The following OPRM1 variants were observed in gnomAD, a reference collection of about 807,000 sequenced individuals.
OPRM1 encodes the protein opioid receptor mu 1.
OPRM1 carries 27 observed loss-of-function variants against 31.8 expected under a neutral mutation model. The ratio of observed to expected loss-of-function variants is 0.85; its 90% CI spans 0.63 to 1.17. The LOEUF (loss-of-function observed/expected upper bound fraction) is 1.17. Ranked by LOEUF, OPRM1 falls within the 50% of genes most tolerant of loss-of-function variation. OPRM1 has a pLI of 0.00. For missense variants in OPRM1, 536 were observed against 511.1 expected (o/e 1.05, Z -0.47); for synonymous variants, 196 against 189.9 (o/e 1.03, Z -0.26).
chr6:154,214,498 T>G (rs1778227683), intron 3 of OPRM1, among the ~76,000 whole-genome samples: 1 of 152,222 alleles, frequency 6.6e-6, no homozygotes, highest in Non-Finnish European at 1.5e-5. Flanking sequence ...GGTGGCCCAT[T>G]ACTCAGTTGG....
intron 3 of OPRM1, among the ~76,000 whole-genome samples, chr6:154,230,353 T>C (rs1342560733): frequency 6.6e-6 from 1 of 152,218 alleles, no homozygotes; most frequent in Non-Finnish European, 1.5e-5. Flanking sequence ...TGTACCTTCC[T>C]CTTACTTTTG....
intron 3 of OPRM1, 39 bp downstream of exon 3, chr6:154,091,511 G>A (rs1178093562): frequency 6.4e-7 from 1 of 1,564,700 alleles, no homozygotes; most frequent in Non-Finnish European, 8.6e-7. Context: ...TACTGGGGAT[G>A]ACATAAAAAT....
At chr6:154,110,403 A>G in intron 3 of OPRM1, 1 of 1,507,700 alleles carries the variant, frequency 6.6e-7, no homozygotes, top group East Asian at 2.5e-5. Flanking sequence ...TGAGCATACC[A>G]AGGGCTAATA....
At chr6:154,039,163 G>A (rs1238199154), upstream of OPRM1, 29 of 1,551,370 alleles carry the variant, frequency 1.9e-5, no homozygotes, top group Non-Finnish European at 2.4e-5. Context: ...TCCTTTAGAT[G>A]TGTTTGCACA....
At chr6:154,227,537 G>A (rs1467340586) in intron 3 of OPRM1, among the ~76,000 whole-genome samples, 1 of 152,002 alleles carries the variant, frequency 6.6e-6, no homozygotes, top group Non-Finnish European at 1.5e-5. Context: ...TGGGCAACAT[G>A]GTGAAATCCC....
At chr6:154,132,725 G>C (rs1403432521), downstream of OPRM1, among the ~76,000 whole-genome samples, 2 of 152,166 alleles carry the variant, frequency 1.3e-5, no homozygotes, top group Non-Finnish European at 2.9e-5. Context: ...AAAATTATTT[G>C]CAAGAAACAA....
intron 3 of OPRM1, among the ~76,000 whole-genome samples, chr6:154,110,908 A>AAAAAAG (rs1554278290): frequency 5.4e-5 from 6 of 110,700 alleles, no homozygotes; most frequent in Non-Finnish European, 1.1e-4. Flanking sequence ...AAAAAAAAAA[A>AAAAAAG]AGAGAGAATT....
intron 1 of OPRM1, among the ~76,000 whole-genome samples, chr6:154,044,677 C>A (rs2128403966): frequency 6.6e-6 from 1 of 152,152 alleles, no homozygotes; most frequent in Middle Eastern, 3.4e-3. Context: ...TTAAATAAAG[C>A]ATAATTTCTC....
intron 3 of OPRM1, among the ~76,000 whole-genome samples, chr6:154,188,744 A>T (rs895589252): frequency 3.3e-5 from 5 of 152,196 alleles, no homozygotes; most frequent in African/African-American, 1.2e-4. Flanking sequence ...GACACTGAAG[A>T]CTCATGTGGA....
At chr6:154,242,401 C>T (rs1267903705) in intron 3 of OPRM1, among the ~76,000 whole-genome samples, 8 of 152,118 alleles carry the variant, frequency 5.3e-5, no homozygotes, top group East Asian at 1.9e-4. Context: ...CCATGGGCAA[C>T]GTAAATGCCG....
At chr6:154,180,515 C>T (rs999454854) in intron 3 of OPRM1, among the ~76,000 whole-genome samples, 1 of 151,694 alleles carries the variant, frequency 6.6e-6, no homozygotes, top group Non-Finnish European at 1.5e-5. Flanking sequence ...AAGACCCTGC[C>T]AAATGAATGT....
chr6:154,077,919 A>G (rs749667559), intron 1 of OPRM1, among the ~76,000 whole-genome samples: 4 of 150,258 alleles, frequency 2.7e-5, no homozygotes, highest in Non-Finnish European at 4.4e-5. Context: ...CAACCCTACC[A>G]CTCCAAGGAA....
chr6:154,061,268 A>C (rs1784355472), intron 1 of OPRM1, among the ~76,000 whole-genome samples: 1 of 152,132 alleles, frequency 6.6e-6, no homozygotes, highest in African/African-American at 2.4e-5. Flanking sequence ...ATTTGGAATA[A>C]TTGCAACATT....
At chr6:154,189,172 C>A (rs1801640827) in intron 3 of OPRM1, among the ~76,000 whole-genome samples, 1 of 152,184 alleles carries the variant, frequency 6.6e-6, no homozygotes, top group Admixed American at 6.5e-5. Flanking sequence ...GAAATAAACA[C>A]TCTTAGATGT....
At chr6:154,139,197 T>G (rs1798136994) in intron 3 of OPRM1, among the ~76,000 whole-genome samples, 1 of 152,224 alleles carries the variant, frequency 6.6e-6, no homozygotes, top group Non-Finnish European at 1.5e-5. Flanking sequence ...AGAAATCAGC[T>G]CTGTCTGGGC....
chr6:154,167,364 A>G (rs1799525261), intron 3 of OPRM1, among the ~76,000 whole-genome samples: 1 of 152,182 alleles, frequency 6.6e-6, no homozygotes, highest in Non-Finnish European at 1.5e-5. Context: ...CTGGTCTATT[A>G]CCACAGAGTG....
At position 154,204,106 on chromosome 6, in the gene OPRM1, T is replaced by A. The variant is rs575330381; in HGVS notation, c.1165-42587T>A. ...GGAAGTTAAAGACATTTCAAAAATC[T>A]TCGTTCTAGTTAAGAGACTATGATA... On this transcript the variant is annotated intron_variant, in intron 3 of 3. Transcript: ENST00000337049. Among the ~76,000 whole-genome samples, 6 of 152,366 alleles carry A rather than the reference T, an allele frequency of 3.9e-5. No individual in the cohort carries two copies. The South Asian group carries it at 8.3e-4, about 21-fold the overall frequency.
Position 154,065,753 on chromosome 6 carries a change from T to C in OPRM1, c.291-24073T>C, listed in dbSNP as rs141740629. Among the ~76,000 whole-genome samples, 140 of 152,324 alleles carry C rather than the reference T, an allele frequency of 9.2e-4. 1 individual carries two copies. Among genetic ancestry groups the C allele is most frequent in the Middle Eastern group, 6.8e-3 (2 of 294 alleles). On this transcript the variant is annotated intron_variant, in intron 1 of 3. Coordinates refer to ENST00000330432, the MANE Select transcript of OPRM1 (RefSeq NM_000914.5). The stretch of plus-strand genomic sequence containing the variant: ...CTTTTCTAATTTAGGTGTATTTTTT[T>C]TTCAAATTTATTTCTTTTACCTATT...
At chr6:154,175,957 C>T (rs1800288683) in intron 3 of OPRM1, among the ~76,000 whole-genome samples, 2 of 152,148 alleles carry the variant, frequency 1.3e-5, no homozygotes, top group African/African-American at 4.8e-5. Flanking sequence ...AGCAGCAAAT[C>T]AAAAAGCTTA....
Sources: allele counts gnomAD v4.1 joint callset (sites outside exome capture counted in the v4.1 genomes callset), GRCh38; gene constraint gnomAD v4.1.1; transcripts MANE v1.5; gene names NCBI Gene and HGNC (gene_info 2026-07-23, HGNC 2026-07-21).